RRAS2: variants seen among roughly 807,000 people sequenced by gnomAD.
RRAS2 encodes the protein ras-related protein R-Ras2.
RRAS2 carries 7 observed loss-of-function variants against 27.6 expected under a neutral mutation model. That is an observed-to-expected ratio of 0.25 (90% CI 0.14 to 0.48). The LOEUF is 0.48. RRAS2 is among the 20% of genes least tolerant of loss of function. The pLI, the probability that RRAS2 is intolerant of heterozygous loss-of-function variation, is 0.99. For missense variants in RRAS2, 178 were observed against 256.2 expected (o/e 0.69, Z 2.08); for synonymous variants, 86 against 90.9 (o/e 0.95, Z 0.31).
At chr11:14,315,128 C>T (rs1425203393) in intron 1 of RRAS2, among the ~76,000 whole-genome samples, 2 of 152,140 alleles carry the variant, frequency 1.3e-5, no homozygotes, top group Non-Finnish European at 2.9e-5. Context: ...ATCCTCATTC[C>T]GTAAGTGTGA....
At chr11:14,318,772 T>C (rs1019397320) in intron 1 of RRAS2, among the ~76,000 whole-genome samples, 6 of 152,180 alleles carry the variant, frequency 3.9e-5, no homozygotes, top group African/African-American at 1.4e-4. Context: ...TGTACATTCT[T>C]TCAGTCCCCA....
Position 14,279,106 on chromosome 11 carries a change from T to C in RRAS2, c.*231A>G, listed in dbSNP as rs1305572894. On this transcript the variant is annotated 3_prime_UTR_variant, in exon 6 of 6. Coordinates refer to ENST00000256196, the MANE Select transcript of RRAS2 (RefSeq NM_012250.6). Reference sequence around the variant, plus strand: ...GAGCATGTCTGTGTATATAGACATATATTTTAAAGGAATCAGATAATCTTT... The same window carrying C: ...GAGCATGTCTGTGTATATAGACATACATTTTAAAGGAATCAGATAATCTTT... 13 of 472,326 alleles carry C rather than the reference T, an allele frequency of 2.8e-5. No individual in the cohort carries two copies. The highest frequency in any genetic ancestry group is 4.2e-5 in the Non-Finnish European group (11 of 263,388). 29.3% of individuals were successfully genotyped at this position (472,326 alleles called of 1,614,324 possible).
At chr11:14,303,250 A>C (rs1278992727) in intron 1 of RRAS2, among the ~76,000 whole-genome samples, 1 of 152,164 alleles carries the variant, frequency 6.6e-6, no homozygotes, top group African/African-American at 2.4e-5. Flanking sequence ...GCTACTTACA[A>C]TTTCCTTTTA....
intron 1 of RRAS2, among the ~76,000 whole-genome samples, chr11:14,351,503 G>T (rs1246265012): frequency 2.6e-5 from 4 of 152,114 alleles, no homozygotes; most frequent in Non-Finnish European, 5.9e-5. Flanking sequence ...AAGGCAGGTG[G>T]ATCACATAAG....
intron 1 of RRAS2, among the ~76,000 whole-genome samples, chr11:14,309,959 T>C (rs1554948637): frequency 6.6e-6 from 1 of 151,932 alleles, no homozygotes; most frequent in African/African-American, 2.4e-5. Context: ...AAGGGTGAAA[T>C]CAGAGACTAC....
chr11:14,345,868 C>T (rs1024818584), intron 1 of RRAS2, among the ~76,000 whole-genome samples: 4 of 152,160 alleles, frequency 2.6e-5, no homozygotes, highest in Non-Finnish European at 5.9e-5. Context: ...CTCAGTACCC[C>T]AAGGCAATTC....
At chr11:14,291,005 A>C (rs1849797691) in intron 4 of RRAS2, among the ~76,000 whole-genome samples, 2 of 152,312 alleles carry the variant, frequency 1.3e-5, no homozygotes, top group South Asian at 4.1e-4. Context: ...AGTTGGTGAG[A>C]AGGAACAGGA....
rs1554943780 is a variant in RRAS2 at position 14,278,392 on chromosome 11, A to G, written c.*945T>C. 6.6e-6 allele frequency: 1 copy of G among 152,240 alleles called. No homozygotes were observed. Among genetic ancestry groups the G allele is most frequent in the African/African-American group, 2.4e-5 (1 of 41,474 alleles). The allele number at this position is 152,240 out of a possible 1,614,324, so 9.4% of individuals were successfully genotyped here. The stretch of plus-strand genomic sequence containing the variant: ...TAAATACTTATCTTTACATATACAC[A>G]AGGTATGCTATGAAAGCATATCTGC... On this transcript the variant is annotated 3_prime_UTR_variant, in exon 6 of 6. Transcript: ENST00000256196.
intron 1 of RRAS2, among the ~76,000 whole-genome samples, chr11:14,311,366 A>T (rs1443510822): frequency 3.9e-5 from 6 of 152,194 alleles, no homozygotes; most frequent in Middle Eastern, 3.4e-3. Flanking sequence ...AAAATAAAAT[A>T]AAAAAGTACT....
chr11:14,281,829 T>C, intron 4 of RRAS2, 109 bp from the exon 5 acceptor site: 3 of 913,348 alleles, frequency 3.3e-6, no homozygotes, highest in Non-Finnish European at 5.1e-6. Context: ...CCAAGTTGTT[T>C]TATCATAAGG....
intron 1 of RRAS2, among the ~76,000 whole-genome samples, chr11:14,348,819 G>A (rs1225790369): frequency 2.6e-5 from 4 of 152,144 alleles, no homozygotes; most frequent in African/African-American, 9.7e-5. Context: ...ATGGTATTTA[G>A]AAACCAAGAT....
chr11:14,323,529 T>G (rs1419801463), intron 1 of RRAS2, among the ~76,000 whole-genome samples: 1 of 150,970 alleles, frequency 6.6e-6, no homozygotes, highest in Non-Finnish European at 1.5e-5. Flanking sequence ...AAAATAAACT[T>G]CCCCCTCTTC....
At chr11:14,293,124 AATATATATAT>A (rs781860601) in intron 4 of RRAS2, among the ~76,000 whole-genome samples, 14,937 of 76,796 alleles carry the variant, frequency 0.19, 1,805 homozygotes, top group Non-Finnish European at 0.24. Context: ...AAACAAAACA[AATATATATAT>A]ATATATATAT....
intron 4 of RRAS2, among the ~76,000 whole-genome samples, chr11:14,284,734 T>A (rs984148876): frequency 6.6e-6 from 1 of 152,216 alleles, no homozygotes; most frequent in Non-Finnish European, 1.5e-5. Context: ...TTTATCATTA[T>A]ATAACACTCT....
At chr11:14,340,067 T>C (rs1244551959) in intron 1 of RRAS2, among the ~76,000 whole-genome samples, 13 of 139,056 alleles carry the variant, frequency 9.3e-5, no homozygotes, top group Middle Eastern at 3.4e-3. Flanking sequence ...GTGGGGGAGG[T>C]TGCAGTGAGC....
intron 4 of RRAS2, among the ~76,000 whole-genome samples, chr11:14,286,408 A>C: frequency 6.6e-6 from 1 of 152,194 alleles, no homozygotes; most frequent in East Asian, 1.9e-4. Flanking sequence ...GTTACAGGGT[A>C]CCAGAACAGC....
At chr11:14,312,488 C>T (rs1308506185) in intron 1 of RRAS2, among the ~76,000 whole-genome samples, 1 of 152,144 alleles carries the variant, frequency 6.6e-6, no homozygotes, top group Non-Finnish European at 1.5e-5. Flanking sequence ...GGCCCGATCA[C>T]GGCTTACTGC....
chr11:14,323,547 C>T (rs953493657), intron 1 of RRAS2, among the ~76,000 whole-genome samples: 2 of 151,866 alleles, frequency 1.3e-5, no homozygotes, highest in Non-Finnish European at 2.9e-5. Context: ...TTCCCCCCAC[C>T]GGCACACACA....
At chr11:14,351,401 A>C (rs1848948223) in intron 1 of RRAS2, among the ~76,000 whole-genome samples, 1 of 152,174 alleles carries the variant, frequency 6.6e-6, no homozygotes, top group South Asian at 2.1e-4. Flanking sequence ...ATCAATGTTA[A>C]TTTCTGAGTT....
Sources: allele counts gnomAD v4.1 joint callset (sites outside exome capture counted in the v4.1 genomes callset), GRCh38; gene constraint gnomAD v4.1.1; transcripts MANE v1.5; gene names NCBI Gene and HGNC (gene_info 2026-07-23, HGNC 2026-07-21).